The following TMEM38B variants were observed in gnomAD, a reference collection of about 807,000 sequenced individuals.
TMEM38B encodes trimeric intracellular cation channel type B.
Under a neutral mutation model 28.7 loss-of-function variants are expected in TMEM38B, and 24 were observed. The ratio of observed to expected loss-of-function variants is 0.84; its 90% CI spans 0.61 to 1.18. The LOEUF (loss-of-function observed/expected upper bound fraction) is 1.18, where lower values mean the gene tolerates loss of function less well. Ranked by LOEUF, TMEM38B falls within the 50% of genes most tolerant of loss-of-function variation. TMEM38B has a pLI of 0.00. For synonymous variants in TMEM38B, 131 were observed against 127.7 expected, an observed-to-expected ratio of 1.03 and a Z score of -0.17; for missense variants, 380 against 350.9, an observed-to-expected ratio of 1.08 and a Z score of -0.66.
chr9:105,725,544 T>C (rs1836478444), intron 4 of TMEM38B, among the ~76,000 whole-genome samples: 1 of 152,078 alleles, frequency 6.6e-6, no homozygotes, highest in Non-Finnish European at 1.5e-5. Context: ...TGTTATCAAG[T>C]ATACTTACAC....
At chr9:105,722,699 G>C in intron 4 of TMEM38B, 78 bp downstream of exon 4, 1 of 1,206,098 alleles carries the variant, frequency 8.3e-7, no homozygotes. Context: ...GAACATTTTA[G>C]GGACTTTAAA....
At chr9:105,751,559 G>A (rs892709125) in intron 5 of TMEM38B, among the ~76,000 whole-genome samples, 1 of 152,142 alleles carries the variant, frequency 6.6e-6, no homozygotes, top group African/African-American at 2.4e-5. Flanking sequence ...CTAGGAAGAG[G>A]GCTGAATCCA....
At chr9:105,741,690 A>G (rs532179170) in intron 4 of TMEM38B, among the ~76,000 whole-genome samples, 39 of 152,366 alleles carry the variant, frequency 2.6e-4, no homozygotes, top group African/African-American at 9.1e-4. Context: ...AAAGTGTTCC[A>G]GGTACAGCCT....
At chr9:105,720,114 A>G (rs1836267746) in intron 2 of TMEM38B, among the ~76,000 whole-genome samples, 1 of 152,086 alleles carries the variant, frequency 6.6e-6, no homozygotes, top group Non-Finnish European at 1.5e-5. Context: ...GTCTTCAGAA[A>G]TCTTTTTACT....
chr9:105,712,107 G>T (rs1264091461), intron 2 of TMEM38B, among the ~76,000 whole-genome samples: 1 of 152,108 alleles, frequency 6.6e-6, no homozygotes, highest in Non-Finnish European at 1.5e-5. Context: ...TGCAGCCGGG[G>T]TTTCACCACG....
intron 1 of TMEM38B, 49 bp downstream of exon 1, chr9:105,694,821 C>G (rs549382133): frequency 9.1e-6 from 5 of 547,454 alleles, no homozygotes; most frequent in Admixed American, 6.4e-5. Context: ...CTCCTGACGG[C>G]GAGGACCGTC....
Position 105,721,562 on chromosome 9 carries a change from G to T in TMEM38B, c.295G>T (p.Asp99Tyr). The T allele has an allele frequency of 1.2e-6, 2 of 1,600,124 alleles. No individual in the cohort carries two copies. The highest frequency in any genetic ancestry group is 2.3e-5 in the South Asian group (2 of 88,150). Reference protein sequence around the residue: ...IWYITFFCPHDLVSQGYSYLP... With the variant: ...IWYITFFCPHYLVSQGYSYLP... The stretch of plus-strand genomic sequence containing the variant: ...GTATATTACATTTTTTTGCCCGCAT[G>T]ACCTAGTTTCCCAGGGCTATTCATA... Residue 99 changes from aspartate to tyrosine, a missense_variant, in exon 3 of 6, where the codon GAC (aspartate) becomes TAC (tyrosine). Physicochemically the swap from Asp to Tyr is radical, Grantham distance 160. Transcript: ENST00000374692.
chr9:105,695,392 T>A (rs1487713326), intron 1 of TMEM38B, among the ~76,000 whole-genome samples: 2 of 152,162 alleles, frequency 1.3e-5, no homozygotes, highest in South Asian at 2.1e-4. Flanking sequence ...GAGAAGCGAG[T>A]GCGTTCCCCT....
intron 4 of TMEM38B, among the ~76,000 whole-genome samples, chr9:105,737,218 G>A (rs1197747945): frequency 6.6e-6 from 1 of 152,162 alleles, no homozygotes; most frequent in African/African-American, 2.4e-5. Flanking sequence ...TGATGCTGAG[G>A]TTCACCACAG....
In TMEM38B at chr9:105,705,772, G is replaced by A. The variant is rs1460737658; in HGVS notation, c.269+19G>A. 1.3e-6 allele frequency: 2 copies of A among 1,595,534 alleles called. No homozygotes were observed. Among genetic ancestry groups the A allele is most frequent in the South Asian group, 2.3e-5 (2 of 88,712 alleles). ...CAATCTGGTAAGCTGCCAGTATGGT[G>A]ACCTATGTGACATTTAAACAATTGT... is the stretch of plus-strand genomic sequence containing the variant. On this transcript the variant is annotated intron_variant, in intron 2 of 5. Coordinates refer to ENST00000374692, the MANE Select transcript of TMEM38B (RefSeq NM_018112.3).
At chr9:105,745,140 C>T (rs1053402077) in intron 4 of TMEM38B, among the ~76,000 whole-genome samples, 1 of 152,128 alleles carries the variant, frequency 6.6e-6, no homozygotes, top group Non-Finnish European at 1.5e-5. Flanking sequence ...ATTTCTAGTT[C>T]TAGATCCCTG....
chr9:105,745,659 G>T (rs1224494244), intron 4 of TMEM38B, among the ~76,000 whole-genome samples: 1 of 152,110 alleles, frequency 6.6e-6, no homozygotes, highest in Non-Finnish European at 1.5e-5. Context: ...TGAAGTCCTT[G>T]CCCATGCCTA....
intron 5 of TMEM38B, among the ~76,000 whole-genome samples, chr9:105,762,542 A>T (rs953421233): frequency 5.4e-5 from 8 of 148,286 alleles, no homozygotes; most frequent in Admixed American, 2.7e-4. Flanking sequence ...TTTACTGAGA[A>T]TGATGATTTC....
intron 5 of TMEM38B, among the ~76,000 whole-genome samples, chr9:105,755,051 A>C (rs564143845): frequency 3.3e-5 from 5 of 152,320 alleles, no homozygotes; most frequent in Non-Finnish European, 7.4e-5. Flanking sequence ...GAAATGGATA[A>C]GTTCCTGGAC....
chr9:105,697,909 C>T (rs957355195), intron 1 of TMEM38B, among the ~76,000 whole-genome samples: 3 of 151,930 alleles, frequency 2.0e-5, no homozygotes, highest in Admixed American at 6.6e-5. Context: ...AGTATAGGTT[C>T]GTAATCTATC....
At chr9:105,763,298 A>G (rs551564100) in intron 5 of TMEM38B, among the ~76,000 whole-genome samples, 23 of 152,250 alleles carry the variant, frequency 1.5e-4, no homozygotes, top group African/African-American at 5.5e-4. Context: ...TTTGGTTGCC[A>G]TTGCTTTTGG....
At chr9:105,747,476 TATTA>T (rs1157181584) in intron 4 of TMEM38B, among the ~76,000 whole-genome samples, 1 of 152,168 alleles carries the variant, frequency 6.6e-6, no homozygotes, top group African/African-American at 2.4e-5. Context: ...TTTTCTTCTT[TATTA>T]GTCTTGCTAG....
chr9:105,758,642 T>G, intron 5 of TMEM38B: 1 of 806,942 alleles, frequency 1.2e-6, no homozygotes, highest in Non-Finnish European at 2.2e-6. Flanking sequence ...TCTTCAGATT[T>G]CCTGCAACTT....
intron 5 of TMEM38B, among the ~76,000 whole-genome samples, chr9:105,762,503 C>T (rs1484281075): frequency 1.4e-4 from 21 of 147,952 alleles, no homozygotes; most frequent in African/African-American, 3.0e-4. Flanking sequence ...TGAGAATATG[C>T]GGTGTTTGGT....
Sources: allele counts gnomAD v4.1 joint callset (sites outside exome capture counted in the v4.1 genomes callset), GRCh38; gene constraint gnomAD v4.1.1; transcripts MANE v1.5; gene names NCBI Gene and HGNC (gene_info 2026-07-23, HGNC 2026-07-21).